The following ZFP64 variants were observed in gnomAD, a reference collection of about 807,000 sequenced individuals.
ZFP64 encodes zinc finger protein 64.
A neutral mutation model predicts 51.6 loss-of-function variants in ZFP64; 14 were observed. The observed-to-expected ratio is 0.27, with a 90% CI of 0.18 to 0.42. ZFP64 has a LOEUF of 0.42. Ranked by LOEUF, ZFP64 falls within the 10% of genes least tolerant of loss-of-function variation. The probability of loss-of-function intolerance (pLI) is 1.00; values close to 1 mark genes in which losing one functional copy is unlikely to be tolerated. For missense variants in ZFP64, 754 were observed against 906.8 expected (o/e 0.83, Z 2.16); for synonymous variants, 375 against 361.4 (o/e 1.04, Z -0.43).
At chr20:52,120,616 G>T (rs931713726) in intron 5 of ZFP64, among the ~76,000 whole-genome samples, 15 of 132,434 alleles carry the variant, frequency 1.1e-4, no homozygotes, top group South Asian at 2.4e-4. Flanking sequence ...GATAATTCTT[G>T]TAATATTTCA....
chr20:52,160,010 T>A lies in ZFP64; in HGVS notation c.763+113A>T. 6.5e-7 allele frequency: 1 copy of A among 1,534,170 alleles called. No homozygotes were observed. The highest frequency in any genetic ancestry group is 8.8e-7 in the Non-Finnish European group (1 of 1,135,828). Reference sequence around the variant, plus strand: ...AAAAACAAAACTGCAAACAACGGGATGAGCAAAGGTTCCAACTCGATTTCT... The same window carrying A: ...AAAAACAAAACTGCAAACAACGGGAAGAGCAAAGGTTCCAACTCGATTTCT... On this transcript the variant is annotated intron_variant, in intron 5 of 5. Coordinates refer to ENST00000216923, the MANE Select transcript of ZFP64 (RefSeq NM_018197.3). This position sits in a 1 kb window ranked among gnomAD's most constrained non-coding sequence, Gnocchi z 4.2.
rs140478600 is a variant in ZFP64 at position 52,159,246 on chromosome 20, C to T, written c.763+877G>A. On this transcript the variant is annotated intron_variant, in intron 5 of 5. Transcript: ENST00000216923. ...CTGAATCATTATCTAACTGATACAC[C>T]GAAAGAAAAAAGTATGTAATTTATT... is the stretch of plus-strand genomic sequence containing the variant. 4.0e-3 allele frequency among the ~76,000 whole-genome samples: 602 copies of T among 152,198 alleles called. 5 individuals carry two copies. The highest frequency in any genetic ancestry group is 0.013 in the African/African-American group (550 of 41,522).
intron 5 of ZFP64, among the ~76,000 whole-genome samples, chr20:52,126,793 T>C (rs944931915): frequency 6.6e-6 from 1 of 152,066 alleles, no homozygotes; most frequent in African/African-American, 2.4e-5. Context: ...AGGTGCTGAG[T>C]CTTAGAGCCA....
chr20:52,104,498 G>A (rs1184880125), intron 5 of ZFP64, among the ~76,000 whole-genome samples: 1 of 152,156 alleles, frequency 6.6e-6, no homozygotes, highest in Non-Finnish European at 1.5e-5. Flanking sequence ...ATAAAATGCA[G>A]AGCTCTTACC....
intron 7 of ZFP64, chr20:52,088,682 G>T: frequency 6.2e-7 from 1 of 1,611,778 alleles, no homozygotes; most frequent in African/African-American, 1.3e-5. Flanking sequence ...AGGTTTTTTG[G>T]TCAAGATGGC....
At chr20:52,106,923 C>T (rs1451857276) in intron 5 of ZFP64, among the ~76,000 whole-genome samples, 1 of 152,134 alleles carries the variant, frequency 6.6e-6, no homozygotes, top group African/African-American at 2.4e-5. Flanking sequence ...ATGATGGAAC[C>T]TTGTCTCTAC....
rs1981648631 is a variant in ZFP64 at position 52,160,070 on chromosome 20, T to A, written c.763+53A>T. 1 of 1,612,410 alleles carries A rather than the reference T, an allele frequency of 6.2e-7. No individual in the cohort carries two copies. Among genetic ancestry groups the A allele is most frequent in the East Asian group, 2.2e-5 (1 of 44,874 alleles). ...GCTGAATGCTTTAAGGTGCTTATGA[T>A]TTATGCCATAGAAAGTGAGGAGCGT... On this transcript the variant is annotated intron_variant, in intron 5 of 5. Transcript: ENST00000216923. This position sits in a 1 kb window ranked among gnomAD's most constrained non-coding sequence, Gnocchi z 4.2.
At chr20:52,180,935 A>G (rs1437817169) in intron 2 of ZFP64, among the ~76,000 whole-genome samples, 1 of 151,770 alleles carries the variant, frequency 6.6e-6, no homozygotes, top group Non-Finnish European at 1.5e-5. Flanking sequence ...TTTTATTTTT[A>G]TTTATTTTTG....
rs961890459 is a variant in ZFP64 at position 52,121,195 on chromosome 20, T to C, written c.764-22608A>G. Among the ~76,000 whole-genome samples, 4 of 152,148 alleles carry C rather than the reference T, an allele frequency of 2.6e-5. No homozygotes were observed. The East Asian group carries it at 7.7e-4, about 29-fold the overall frequency. On this transcript the variant is annotated intron_variant, in intron 5 of 8. Transcript: ENST00000361387. ...ATAACCCCACAGTGACCTATAAGTGTTCATGTGAAAGGGAGGGTGGTGCAT... is the reference window on the plus strand; with the variant it reads ...ATAACCCCACAGTGACCTATAAGTGCTCATGTGAAAGGGAGGGTGGTGCAT...
intron 5 of ZFP64, among the ~76,000 whole-genome samples, chr20:52,100,273 T>G (rs911052151): frequency 2.6e-5 from 4 of 151,498 alleles, no homozygotes; most frequent in South Asian, 2.1e-4. Context: ...TGAAACAGAG[T>G]CTCACTCTGT....
intron 5 of ZFP64, among the ~76,000 whole-genome samples, chr20:52,138,058 C>T (rs200445970): frequency 0.078 from 4,771 of 61,062 alleles, 126 homozygotes; most frequent in Admixed American, 0.18. Flanking sequence ...AATAAATAAG[C>T]AAGCCAGGCA....
intron 5 of ZFP64, chr20:52,098,649 A>C: frequency 1.2e-6 from 2 of 1,605,078 alleles, no homozygotes; most frequent in Admixed American, 3.4e-5. Flanking sequence ...AAGTCTTAGA[A>C]TACAGTAGGT....
intron 2 of ZFP64, among the ~76,000 whole-genome samples, chr20:52,181,380 A>C (rs1034493976): frequency 1.3e-5 from 2 of 152,212 alleles, no homozygotes; most frequent in African/African-American, 2.4e-5. Flanking sequence ...GAAGCCATGA[A>C]CTTAGAAAAT....
chr20:52,179,130 A>T (rs1280589015), intron 2 of ZFP64, among the ~76,000 whole-genome samples: 2 of 152,048 alleles, frequency 1.3e-5, no homozygotes, highest in Non-Finnish European at 2.9e-5. Context: ...TGTGATAGAG[A>T]ATGAGTCTTA....
At chr20:52,142,382 A>ACACACACACACG (rs879903441) in intron 5 of ZFP64, among the ~76,000 whole-genome samples, 2 of 84,408 alleles carry the variant, frequency 2.4e-5, no homozygotes, top group African/African-American at 3.4e-5. Context: ...ACACAGACAC[A>ACACACACACACG]CACACACACA....
At chr20:52,118,172 C>T (rs1353035594) in intron 5 of ZFP64, among the ~76,000 whole-genome samples, 1 of 152,026 alleles carries the variant, frequency 6.6e-6, no homozygotes, top group Non-Finnish European at 1.5e-5. Flanking sequence ...GGAAATAACC[C>T]CTCTACAAAT....
chr20:52,144,619 G>A (rs866074997), intron 5 of ZFP64, among the ~76,000 whole-genome samples: 17 of 104,738 alleles, frequency 1.6e-4, no homozygotes, highest in African/African-American at 6.4e-4. Context: ...AAGCTGAAAT[G>A]AATGAAATGG....
intron 5 of ZFP64, among the ~76,000 whole-genome samples, chr20:52,159,066 G>C (rs6021760): frequency 0.24 from 37,079 of 152,006 alleles, 4,659 homozygotes; most frequent in Admixed American, 0.3. Context: ...GATCCCCAGG[G>C]AAATCTGAAA....
chr20:52,128,272 A>G (rs6021719), intron 5 of ZFP64, among the ~76,000 whole-genome samples: 63,525 of 152,018 alleles, frequency 0.42, 14,393 homozygotes, highest in Admixed American at 0.5. Context: ...GACTCTCTCT[A>G]TAAATAATAA....
Sources: gnomAD v4.1 joint callset for allele counts (sites outside exome capture counted in the v4.1 genomes callset) on GRCh38, gnomAD v4.1.1 for gene constraint, Gnocchi (gnomAD v3.1) non-coding constraint, MANE v1.5 for transcripts, NCBI Gene and HGNC (gene_info 2026-07-23, HGNC 2026-07-21) for gene names.